The following PARD3B variants were observed in gnomAD, a reference collection of about 807,000 sequenced individuals.
PARD3B encodes par-3 family cell polarity regulator beta.
A neutral mutation model predicts 130.2 loss-of-function variants in PARD3B; 103 were observed. The ratio of observed to expected loss-of-function variants is 0.79; its 90% CI spans 0.67 to 0.93. The LOEUF (loss-of-function observed/expected upper bound fraction) is 0.93, where lower values mean the gene tolerates loss of function less well. PARD3B is among the 40% of genes least tolerant of loss of function. The probability of loss-of-function intolerance (pLI) is 0.00; values close to 1 mark genes in which losing one functional copy is unlikely to be tolerated. For missense variants in PARD3B, 1,609 were observed against 1,499.2 expected (o/e 1.07, Z -1.21); for synonymous variants, 583 against 553.2 (o/e 1.05, Z -0.76).
Position 205,616,297 on chromosome 2 carries a change from G to A in PARD3B, c.*484G>A, listed in dbSNP as rs1208610430. The A allele has an allele frequency of 1.9e-5, 3 of 155,634 alleles. No individual in the cohort carries two copies. Among genetic ancestry groups the A allele is most frequent in the Non-Finnish European group, 4.2e-5 (3 of 70,644 alleles). 9.6% of individuals were successfully genotyped at this position (155,634 alleles called of 1,614,324 possible). A position where few individuals can be genotyped will look rare whatever the true frequency, so the allele number is the denominator to read the frequency against. On this transcript the variant is annotated 3_prime_UTR_variant, in exon 23 of 23. Transcript: ENST00000406610. Reference sequence around the variant, plus strand: ...GCTGTTAAGTCTAAGGTGTGGCAGAGCAGACAGAGATAGAGGCATCTGAAG... The same window carrying A: ...GCTGTTAAGTCTAAGGTGTGGCAGAACAGACAGAGATAGAGGCATCTGAAG...
At chr2:204,709,494 ATTCTC>A (rs2038334564) in intron 2 of PARD3B, among the ~76,000 whole-genome samples, 1 of 152,146 alleles carries the variant, frequency 6.6e-6, no homozygotes, top group Non-Finnish European at 1.5e-5. Flanking sequence ...CTACTTTATT[ATTCTC>A]TTCTCTTTTA....
intron 22 of PARD3B, among the ~76,000 whole-genome samples, chr2:205,597,261 A>G (rs2054605804): frequency 6.6e-6 from 1 of 152,284 alleles, no homozygotes; most frequent in Admixed American, 6.5e-5. Context: ...CCACTTAAAA[A>G]TGAAAACAAG....
chr2:205,130,670 G>T (rs1352552244), intron 10 of PARD3B, among the ~76,000 whole-genome samples: 1 of 152,068 alleles, frequency 6.6e-6, no homozygotes, highest in African/African-American at 2.4e-5. Context: ...AGCAACCCCT[G>T]GTGGGTAAAA....
chr2:205,484,416 C>T (rs1023335196), intron 20 of PARD3B, among the ~76,000 whole-genome samples: 7 of 152,098 alleles, frequency 4.6e-5, no homozygotes, highest in African/African-American at 1.7e-4. Context: ...AGTGTCTTTA[C>T]CAAACAAGGG....
rs559438326 is a variant in PARD3B at position 204,602,393 on chromosome 2, A to G, written c.120+56274A>G. ...CTGTTTTCCCCAACCCTGCCCAAGG[A>G]CTTTCTTAAACAATAGTACAAAGAC... On this transcript the variant is annotated intron_variant, in intron 1 of 22. Transcript: ENST00000406610. 4.6e-5 allele frequency among the ~76,000 whole-genome samples: 7 copies of G among 152,106 alleles called. No homozygotes were observed. The South Asian group carries it at 1.5e-3, about 32-fold the overall frequency.
At chr2:204,992,072 T>C (rs1434380301) in intron 3 of PARD3B, among the ~76,000 whole-genome samples, 3 of 152,010 alleles carry the variant, frequency 2.0e-5, no homozygotes, top group Non-Finnish European at 2.9e-5. Flanking sequence ...GCAGAAGCTC[T>C]TTAGTTTAAT....
intron 18 of PARD3B, among the ~76,000 whole-genome samples, chr2:205,329,077 A>G (rs144677033): frequency 6.6e-6 from 1 of 152,172 alleles, no homozygotes; most frequent in Non-Finnish European, 1.5e-5. Flanking sequence ...CTTCTCTGGC[A>G]TGCCATTCAT....
chr2:205,196,934 G>T (rs1372948269), intron 15 of PARD3B, among the ~76,000 whole-genome samples: 2 of 151,150 alleles, frequency 1.3e-5, no homozygotes, highest in Admixed American at 1.3e-4. Flanking sequence ...AAATTACTTT[G>T]GCTCTTCATA....
At chr2:204,828,950 G>A (rs2043696439) in intron 2 of PARD3B, among the ~76,000 whole-genome samples, 1 of 152,148 alleles carries the variant, frequency 6.6e-6, no homozygotes, top group Non-Finnish European at 1.5e-5. Context: ...ATAAGGGCCT[G>A]TGCATTCCAG....
At position 205,301,083 on chromosome 2, in the gene PARD3B, G is replaced by T. The variant is rs1032441683; in HGVS notation, c.2392+347G>T. Among the ~76,000 whole-genome samples, 1 of 152,174 alleles carries T rather than the reference G, an allele frequency of 6.6e-6. No homozygotes were observed. Among genetic ancestry groups the T allele is most frequent in the Non-Finnish European group, 1.5e-5 (1 of 68,044 alleles). On this transcript the variant is annotated intron_variant, in intron 17 of 22. Coordinates refer to ENST00000406610, the MANE Select transcript of PARD3B (RefSeq NM_001302769.2). The surrounding 1 kb of genome is among the most constrained non-coding windows in gnomAD (Gnocchi z 5.2). ...GAGGCAGCATCAATCCAAGGACTCC[G>T]ACTGCATTAATTGGGTAGAAGCAGT...
chr2:205,039,147 G>A, intron 3 of PARD3B, among the ~76,000 whole-genome samples: 1 of 151,912 alleles, frequency 6.6e-6, no homozygotes. Flanking sequence ...CCTATCTGAT[G>A]CCCATAAAAT....
At chr2:204,547,564 G>C (rs1471283557) in intron 1 of PARD3B, among the ~76,000 whole-genome samples, 1 of 152,214 alleles carries the variant, frequency 6.6e-6, no homozygotes, top group Non-Finnish European at 1.5e-5. Flanking sequence ...GTTTAAACAA[G>C]TAACCAATTG....
intron 1 of PARD3B, among the ~76,000 whole-genome samples, chr2:204,584,686 C>T (rs1038354698): frequency 3.9e-5 from 6 of 152,112 alleles, no homozygotes; most frequent in African/African-American, 1.4e-4. Context: ...GTTTTAAAAG[C>T]TCTCCAGTCC....
chr2:204,648,667 T>G (rs1321429800), intron 1 of PARD3B, among the ~76,000 whole-genome samples: 19 of 110,504 alleles, frequency 1.7e-4, no homozygotes, highest in South Asian at 1.0e-3. Flanking sequence ...ATTTATAATA[T>G]ATATCATATA....
At chr2:204,858,879 A>G (rs1283345287) in intron 2 of PARD3B, among the ~76,000 whole-genome samples, 1 of 151,074 alleles carries the variant, frequency 6.6e-6, no homozygotes, top group Non-Finnish European at 1.5e-5. Flanking sequence ...GATTTCAGTT[A>G]GAATTTTTAA....
intron 15 of PARD3B, among the ~76,000 whole-genome samples, chr2:205,226,018 G>A (rs983919703): frequency 5.9e-5 from 9 of 152,042 alleles, no homozygotes; most frequent in East Asian, 1.9e-4. Context: ...TTTATGAGAC[G>A]AATTCTCATT....
chr2:205,527,610 A>G (rs1253728097), intron 21 of PARD3B, among the ~76,000 whole-genome samples: 1 of 152,042 alleles, frequency 6.6e-6, no homozygotes, highest in Non-Finnish European at 1.5e-5. Context: ...CAACCATTAG[A>G]CCCCTACTGT....
chr2:205,468,793 G>A (rs1282418872), intron 20 of PARD3B, among the ~76,000 whole-genome samples: 1 of 152,092 alleles, frequency 6.6e-6, no homozygotes, highest in African/African-American at 2.4e-5. Context: ...TCTGGACAAG[G>A]CCTCAAGCTC....
At chr2:205,022,238 C>T (rs1696667846) in intron 3 of PARD3B, among the ~76,000 whole-genome samples, 1 of 152,118 alleles carries the variant, frequency 6.6e-6, no homozygotes, top group Admixed American at 6.5e-5. Context: ...GAATACTATG[C>T]CAGTATCTTC....
Sources: allele counts gnomAD v4.1 joint callset (sites outside exome capture counted in the v4.1 genomes callset), GRCh38; gene constraint gnomAD v4.1.1; non-coding constraint Gnocchi (gnomAD v3.1); transcripts MANE v1.5; gene names NCBI Gene and HGNC (gene_info 2026-07-23, HGNC 2026-07-21).